RAI1: variants seen among roughly 807,000 people sequenced by gnomAD.
RAI1 encodes the protein retinoic acid-induced protein 1.
Under a neutral mutation model 123.8 loss-of-function variants are expected in RAI1, and 9 were observed. The observed-to-expected ratio is 0.07, with a 90% CI of 0.04 to 0.13. The LOEUF is 0.13. Ranked by LOEUF, RAI1 falls within the 10% of genes least tolerant of loss-of-function variation. The pLI is 1.00. For synonymous variants in RAI1, 1,231 were observed against 1,127.3 expected, an observed-to-expected ratio of 1.09 and a Z score of -1.84; for missense variants, 2,256 against 2,545.8, an observed-to-expected ratio of 0.89 and a Z score of 2.45.
rs377537260 is a variant in RAI1 at position 17,794,927 on chromosome 17, G to A, written c.1979G>A (p.Arg660Gln). ...TCTGTGGCCAAGAGTGCGTGGCCCC[G>A]GCCTGGGGAGCCGGAGGCCCTGCCC... ...LDSVAKSAWP[R>Q]PGEPEALPDS... Residue 660 changes from arginine to glutamine, a missense_variant, in exon 3 of 6, where the codon CGG becomes CAG. By Grantham distance (43) the Arg-to-Gln change is conservative. This residue lies in a region of RAI1 where 566 missense variants were observed against 616.0 expected (regional missense o/e 0.92). Transcript: ENST00000353383. 71 of 1,613,530 alleles carry A rather than the reference G, an allele frequency of 4.4e-5. No homozygotes were observed. Among genetic ancestry groups the A allele is most frequent in the Non-Finnish European group, 5.8e-5 (69 of 1,180,040 alleles).
At chr17:17,808,414 A>ATTTTATTTTATTATTTTATT (rs1266596226) in intron 4 of RAI1, among the ~76,000 whole-genome samples, 6 of 125,894 alleles carry the variant, frequency 4.8e-5, no homozygotes, top group African/African-American at 1.9e-4. Context: ...ATTTTATTTT[A>ATTTTATTTTATTATTTTATT]TTATTTTATT....
At chr17:17,758,809 CAG>C (rs972934611) in intron 2 of RAI1, among the ~76,000 whole-genome samples, 2 of 152,096 alleles carry the variant, frequency 1.3e-5, no homozygotes, top group Admixed American at 6.5e-5. Flanking sequence ...GAAGGATGAA[CAG>C]GGGAGGGTCT....
At chr17:17,702,889 G>A (rs1450963953) in intron 1 of RAI1, among the ~76,000 whole-genome samples, 1 of 152,228 alleles carries the variant, frequency 6.6e-6, no homozygotes, top group African/African-American at 2.4e-5. Context: ...ACCCAGGGCT[G>A]TGTGACTTCA....
chr17:17,796,636 G>T lies in RAI1; in HGVS notation c.3688G>T (p.Ala1230Ser), dbSNP rs759465731. Residue 1230 changes from alanine to serine, a missense_variant, in exon 3 of 6, where the codon GCG (alanine) becomes TCG (serine). Around this residue, in one of 7 missense-constraint regions of RAI1, gnomAD observed 322 missense variants for 358.0 expected, o/e 0.90. Coordinates refer to ENST00000353383, the MANE Select transcript of RAI1 (RefSeq NM_030665.4). The surrounding 1 kb of genome is among the most constrained non-coding windows in gnomAD (Gnocchi z 5.8). ...GCTCAAAAGGAAGTCGGCCTTCATG[G>T]CGCCGGTCCCCACCAAGAAGCGGAA... ...HALKRKSAFM[A>S]PVPTKKRNLV... The T allele has an allele frequency of 6.2e-7, 1 of 1,611,926 alleles. No individual in the cohort carries two copies. Among genetic ancestry groups the T allele is most frequent in the South Asian group, 1.1e-5 (1 of 91,046 alleles).
intron 2 of RAI1, among the ~76,000 whole-genome samples, chr17:17,752,253 G>A (rs1029855590): frequency 1.2e-4 from 19 of 152,204 alleles, no homozygotes; most frequent in Non-Finnish European, 2.9e-5. Context: ...CAGACTACTC[G>A]TATTTCCTGC....
intron 2 of RAI1, among the ~76,000 whole-genome samples, chr17:17,756,450 G>A (rs2030440908): frequency 6.6e-6 from 1 of 152,170 alleles, no homozygotes; most frequent in African/African-American, 2.4e-5. Context: ...ACCTGCCTCT[G>A]CCTCCCAAAG....
chr17:17,793,668 A>G lies in RAI1; in HGVS notation c.720A>G (p.Thr240=), dbSNP rs759303171. ...GQGAHSYKSC[T]APTAQPHDRP... Reference sequence around the variant, plus strand: ...GGGCCCACTCCTATAAGAGTTGCACAGCACCGACTGCCCAGCCCCATGACA... The same window carrying G: ...GGGCCCACTCCTATAAGAGTTGCACGGCACCGACTGCCCAGCCCCATGACA... Residue 240 remains threonine, a synonymous_variant, in exon 3 of 6, where the codon ACA becomes ACG. Transcript: ENST00000353383. 6.2e-7 allele frequency: 1 copy of G among 1,613,148 alleles called. No homozygotes were observed. The highest frequency in any genetic ancestry group is 8.5e-7 in the Non-Finnish European group (1 of 1,180,030).
At chr17:17,726,728 G>T (rs529679514) in intron 2 of RAI1, among the ~76,000 whole-genome samples, 1 of 151,148 alleles carries the variant, frequency 6.6e-6, no homozygotes, top group South Asian at 2.1e-4. Flanking sequence ...CAGAAAAGCT[G>T]AAAAAAAAAG....
chr17:17,738,751 G>C (rs930071441), intron 2 of RAI1, among the ~76,000 whole-genome samples: 1 of 152,200 alleles, frequency 6.6e-6, no homozygotes, highest in African/African-American at 2.4e-5. Context: ...ATGGGCTGCA[G>C]AGGGCCAGAG....
rs138173790 is a variant in RAI1, at chr17:17,795,542, T to C, written c.2594T>C (p.Leu865Pro). ...LLPPTSRKED[L>P]EAEEEYSSLC... ...CCACCCACCAGCAGGAAGGAGGACC[T>C]GGAAGCTGAGGAGGAGTACTCCTCC... Residue 865 changes from leucine to proline, a missense_variant, in exon 3 of 6, where the codon CTG (leucine) becomes CCG (proline). Leu to Pro is a moderately conservative substitution (Grantham distance 98). This residue lies in a region of RAI1 where 566 missense variants were observed against 616.0 expected (regional missense o/e 0.92). Transcript: ENST00000353383. The surrounding 1 kb of genome is among the most constrained non-coding windows in gnomAD (Gnocchi z 5.9). The C allele has an allele frequency of 1.6e-5, 26 of 1,604,796 alleles. No homozygotes were observed. The highest frequency in any genetic ancestry group is 2.1e-5 in the Non-Finnish European group (25 of 1,175,888).
At chr17:17,735,074 A>G (rs1388388222) in intron 2 of RAI1, among the ~76,000 whole-genome samples, 2 of 150,598 alleles carry the variant, frequency 1.3e-5, no homozygotes, top group Admixed American at 1.3e-4. Context: ...TTTTTTCGAG[A>G]CGGAGTCTTG....
intron 2 of RAI1, among the ~76,000 whole-genome samples, chr17:17,749,360 T>A (rs2030062449): frequency 6.6e-6 from 1 of 152,144 alleles, no homozygotes; most frequent in Non-Finnish European, 1.5e-5. Context: ...TCTGCTCACC[T>A]CCTAGCCGGC....
At chr17:17,735,581 T>A (rs1436296467) in intron 2 of RAI1, among the ~76,000 whole-genome samples, 2 of 152,086 alleles carry the variant, frequency 1.3e-5, no homozygotes, top group East Asian at 3.9e-4. Context: ...GGTCTCAAAC[T>A]CCTGACCTCA....
Position 17,799,738 on chromosome 17 carries a change from G to A in RAI1, c.5565+1225G>A, listed in dbSNP as rs1467039571. On this transcript the variant is annotated intron_variant, in intron 3 of 5. Coordinates refer to ENST00000353383, the MANE Select transcript of RAI1 (RefSeq NM_030665.4). The surrounding 1 kb of genome is among the most constrained non-coding windows in gnomAD (Gnocchi z 4.5). Reference sequence around the variant, plus strand: ...TGCATCTGAGTGATTCAGTGACCCAGCACAGTGGCCCCAGCCGGTGGCTTC... The same window carrying A: ...TGCATCTGAGTGATTCAGTGACCCAACACAGTGGCCCCAGCCGGTGGCTTC... Among the ~76,000 whole-genome samples, 1 of 152,200 alleles carries A rather than the reference G, an allele frequency of 6.6e-6. No individual in the cohort carries two copies. The highest frequency in any genetic ancestry group is 1.5e-5 in the Non-Finnish European group (1 of 68,026).
chr17:17,735,927 A>G (rs917021516), intron 2 of RAI1, among the ~76,000 whole-genome samples: 1 of 152,148 alleles, frequency 6.6e-6, no homozygotes, highest in Non-Finnish European at 1.5e-5. Context: ...TTGGCCCACA[A>G]AAGGCCTGAG....
At position 17,800,180 on chromosome 17, in the gene RAI1, G is replaced by GTCTCTCTC. The variant is rs58147049; in HGVS notation, c.5565+1708_5565+1715dup. ...TCTCTCCTGCTTTCTGTCTCTCTCTGTCTCTCTCTCTCTCTCTCTCTCTCT... is the reference window on the plus strand; with the variant it reads ...TCTCTCCTGCTTTCTGTCTCTCTCTGTCTCTCTCTCTCTCTCTCTCTCTCTCTCTCTCT... On this transcript the variant is annotated intron_variant, in intron 3 of 5. Transcript: ENST00000353383. This position sits in a 1 kb window ranked among gnomAD's most constrained non-coding sequence, Gnocchi z 4.7. Among the ~76,000 whole-genome samples the GTCTCTCTC allele has an allele frequency of 7.3e-4, 85 of 116,308 alleles. No individual in the cohort carries two copies. Among genetic ancestry groups the GTCTCTCTC allele is most frequent in the African/African-American group, 1.5e-3 (50 of 33,410 alleles). 76.3% of individuals were successfully genotyped at this position (116,308 alleles called of 152,430 possible).
intron 2 of RAI1, among the ~76,000 whole-genome samples, chr17:17,789,992 G>GC (rs1387879513): frequency 2.0e-5 from 3 of 152,052 alleles, no homozygotes; most frequent in African/African-American, 7.2e-5. Flanking sequence ...CTTCTTCCCT[G>GC]CCCCCAGGTT....
intron 2 of RAI1, chr17:17,778,332 G>T (rs957181762): frequency 6.7e-5 from 15 of 223,720 alleles, no homozygotes; most frequent in Non-Finnish European, 1.3e-4. Context: ...CTTGGACCTG[G>T]CTCCCCATGA....
chr17:17,727,785 A>AGTG (rs1484457349), intron 2 of RAI1, among the ~76,000 whole-genome samples: 1 of 152,094 alleles, frequency 6.6e-6, no homozygotes, highest in Non-Finnish European at 1.5e-5. Context: ...GGTATGAAGG[A>AGTG]GTGGTGTGGG....
Sources: allele counts gnomAD v4.1 joint callset (sites outside exome capture counted in the v4.1 genomes callset), GRCh38; gene constraint gnomAD v4.1.1; regional missense constraint gnomAD v4.1.1; non-coding constraint Gnocchi (gnomAD v3.1); transcripts MANE v1.5; gene names NCBI Gene and HGNC (gene_info 2026-07-23, HGNC 2026-07-21).